The following ABCC6 variants were observed in gnomAD, a reference collection of about 807,000 sequenced individuals.
The protein encoded by ABCC6 is ATP-binding cassette sub-family C member 6.
A neutral mutation model predicts 169.5 loss-of-function variants in ABCC6; 126 were observed. That is an observed-to-expected ratio of 0.74 (90% CI 0.64 to 0.86). The LOEUF (loss-of-function observed/expected upper bound fraction) is 0.86, where lower values mean the gene tolerates loss of function less well. Among genes scored for constraint, ABCC6 ranks in the 40% least tolerant of loss-of-function variants. The pLI is 0.00. For synonymous variants in ABCC6, 752 were observed against 814.7 expected, an observed-to-expected ratio of 0.92 and a Z score of 1.31; for missense variants, 1,733 against 1,927.2, an observed-to-expected ratio of 0.90 and a Z score of 1.89.
At chr16:16,202,955 C>T (rs1368259860) in intron 8 of ABCC6, among the ~76,000 whole-genome samples, 1 of 152,092 alleles carries the variant, frequency 6.6e-6, no homozygotes, top group East Asian at 1.9e-4. Context: ...CTCCCAAGCA[C>T]CCACATGAAC....
intron 22 of ABCC6, among the ~76,000 whole-genome samples, chr16:16,168,642 C>T (rs2152233758): frequency 6.6e-6 from 1 of 152,244 alleles, no homozygotes; most frequent in South Asian, 2.1e-4. Context: ...AAAAGGGCAA[C>T]ACGAGAGCGC....
chr16:16,154,987 G>A lies in ABCC6; in HGVS notation c.3927C>T (p.Ala1309=). The change falls in exon 28 of 31, where the codon GCC becomes GCT. Residue 1309 remains alanine (A), a synonymous_variant. Coordinates refer to ENST00000205557, the MANE Select transcript of ABCC6 (RefSeq NM_001171.6). ...CCTCCTGGAGCCGCAGCAGCCCACTGGCCAGGGAGGACTTCCCTGCCCCGG... is the reference window on the plus strand; with the variant it reads ...CCTCCTGGAGCCGCAGCAGCCCACTAGCCAGGGAGGACTTCCCTGCCCCGG... ...GRTGAGKSSL[A]SGLLRLQEAA... 6.4e-7 allele frequency: 1 copy of A among 1,570,750 alleles called. No homozygotes were observed. Among genetic ancestry groups the A allele is most frequent in the Non-Finnish European group, 8.6e-7 (1 of 1,158,320 alleles).
intron 23 of ABCC6, among the ~76,000 whole-genome samples, chr16:16,165,233 A>G (rs2046837775): frequency 6.6e-6 from 1 of 152,190 alleles, no homozygotes; most frequent in Non-Finnish European, 1.5e-5. Context: ...CAACACAGGA[A>G]GACACTTGTC....
At chr16:16,198,929 G>C in intron 9 of ABCC6, among the ~76,000 whole-genome samples, 1 of 151,920 alleles carries the variant, frequency 6.6e-6, no homozygotes, top group Non-Finnish European at 1.5e-5. Flanking sequence ...AGGAGGCAGA[G>C]GTTGCAGTGA....
intron 27 of ABCC6, 114 bp from the exon 28 acceptor site, chr16:16,155,145 G>T: frequency 8.0e-7 from 1 of 1,248,396 alleles, no homozygotes; most frequent in Non-Finnish European, 1.1e-6. Flanking sequence ...TTGTGTAAAG[G>T]TCTACCTTCC....
At position 16,154,796 on chromosome 16, in the gene ABCC6, T is replaced by G; in HGVS notation, c.4042-2A>C. 1 of 1,610,722 alleles carries G rather than the reference T, an allele frequency of 6.2e-7. No homozygotes were observed. Among genetic ancestry groups the G allele is most frequent in the Non-Finnish European group, 8.5e-7 (1 of 1,178,730 alleles). ...AGAGCCAGGGAACAGGATGGGGTCC[T>G]GGCGGGGAGGGGCGGTGGGTCAGAG... On this transcript the variant is annotated splice_acceptor_variant, in intron 28 of 30. Transcript: ENST00000205557. LOFTEE classifies it high-confidence loss of function.
At chr16:16,187,535 G>T (rs2047688480) in intron 13 of ABCC6, among the ~76,000 whole-genome samples, 1 of 152,174 alleles carries the variant, frequency 6.6e-6, no homozygotes, top group African/African-American at 2.4e-5. Context: ...TTCAAATGTT[G>T]TCCACCTGGG....
chr16:16,211,089 C>CT (rs1419299450), intron 6 of ABCC6, among the ~76,000 whole-genome samples: 1 of 136,090 alleles, frequency 7.3e-6, no homozygotes, highest in Admixed American at 7.5e-5. Flanking sequence ...GAGTGAAACT[C>CT]TGTCTCAAAA....
intron 5 of ABCC6, among the ~76,000 whole-genome samples, chr16:16,213,558 C>CTT (rs61603385): frequency 2.5e-4 from 18 of 72,288 alleles, no homozygotes; most frequent in Non-Finnish European, 3.1e-4. Context: ...CTTTTTCCTT[C>CTT]TTTTTTTTTT....
At chr16:16,162,661 T>G (rs1241560573) in intron 24 of ABCC6, among the ~76,000 whole-genome samples, 1 of 152,216 alleles carries the variant, frequency 6.6e-6, no homozygotes, top group Non-Finnish European at 1.5e-5. Context: ...CTGTGTCTAT[T>G]TGTGCTTAAA....
intron 22 of ABCC6, among the ~76,000 whole-genome samples, chr16:16,166,657 A>G (rs2046884334): frequency 6.6e-6 from 1 of 152,106 alleles, no homozygotes; most frequent in East Asian, 2.0e-4. Context: ...AGGCGGGTGG[A>G]TCACCTGAGG....
chr16:16,154,243 A>G (rs1181755126), intron 29 of ABCC6, among the ~76,000 whole-genome samples: 3 of 152,056 alleles, frequency 2.0e-5, no homozygotes, highest in Non-Finnish European at 4.4e-5. Context: ...CACTGTGCCC[A>G]GTCCACACTT....
At chr16:16,210,182 G>A (rs565988501) in intron 6 of ABCC6, among the ~76,000 whole-genome samples, 10 of 152,056 alleles carry the variant, frequency 6.6e-5, no homozygotes, top group African/African-American at 2.4e-4. Flanking sequence ...TGTTGCTCAG[G>A]CTGGAGTGCA....
intron 2 of ABCC6, among the ~76,000 whole-genome samples, chr16:16,220,607 C>T (rs867997636): frequency 5.6e-4 from 85 of 152,120 alleles, no homozygotes; most frequent in Non-Finnish European, 9.9e-4. Flanking sequence ...TTTATTGAAA[C>T]GCAGTCGGCC....
At chr16:16,199,621 C>T (rs1167669022) in intron 9 of ABCC6, among the ~76,000 whole-genome samples, 1 of 126,924 alleles carries the variant, frequency 7.9e-6, no homozygotes, top group Non-Finnish European at 1.8e-5. Flanking sequence ...AATGACTGGA[C>T]ATAGAAATTC....
intron 11 of ABCC6, 61 bp from the exon 12 acceptor site, chr16:16,190,428 C>T: frequency 6.3e-7 from 1 of 1,575,788 alleles, no homozygotes. Context: ...TTCCCTGCAC[C>T]CTGACAGCCA....
In ABCC6 at chr16:16,210,386, C is replaced by T. The variant is rs1376452860; in HGVS notation, c.663-1527G>A. Among the ~76,000 whole-genome samples the T allele has an allele frequency of 1.4e-4, 21 of 152,224 alleles. No individual in the cohort carries two copies. The South Asian group carries it at 3.9e-3, about 29-fold the overall frequency. ...TCCTGACCTCAGGTGATCCACCTGC[C>T]TCAGCCTCCCAAGGTGTTGGGATTA... On this transcript the variant is annotated intron_variant, in intron 6 of 30. Transcript: ENST00000205557.
Position 16,220,665 on chromosome 16 carries a change from G to A in ABCC6, c.220-718C>T, listed in dbSNP as rs556994346. On this transcript the variant is annotated intron_variant, in intron 2 of 30. Coordinates refer to ENST00000205557, the MANE Select transcript of ABCC6 (RefSeq NM_001171.6). ...AATCCCAGCACTTTGGCAGGCCAAG[G>A]CAGGCAGATCACCTGAGGTCAGGAG... Among the ~76,000 whole-genome samples, 66 of 152,274 alleles carry A rather than the reference G, an allele frequency of 4.3e-4. No individual in the cohort carries two copies. The South Asian group carries it at 6.2e-3, about 14-fold the overall frequency.
intron 11 of ABCC6, 147 bp from the exon 12 acceptor site, chr16:16,190,514 T>C: frequency 1.2e-6 from 1 of 848,230 alleles, no homozygotes; most frequent in East Asian, 2.7e-5. Flanking sequence ...TGACCCTCAC[T>C]CCTGGTCCAA....
Sources: allele counts gnomAD v4.1 joint callset (sites outside exome capture counted in the v4.1 genomes callset), GRCh38; gene constraint gnomAD v4.1.1; transcripts MANE v1.5; gene names NCBI Gene and HGNC (gene_info 2026-07-23, HGNC 2026-07-21).